Variants in TSPAN5 observed in about 807,000 individuals in gnomAD.
TSPAN5 encodes the protein tetraspanin 5.
A neutral mutation model predicts 37.1 loss-of-function variants in TSPAN5; 10 were observed. The ratio of observed to expected loss-of-function variants is 0.27; its 90% CI spans 0.17 to 0.46. TSPAN5 has a LOEUF of 0.46. TSPAN5 is among the 20% of genes least tolerant of loss of function. The pLI is 1.00. For synonymous variants in TSPAN5, 110 were observed against 118.9 expected (o/e 0.93, Z 0.48); for missense variants, 195 against 326.6 (o/e 0.60, Z 3.11).
chr4:98,564,553 C>T (rs1406136023), intron 1 of TSPAN5, among the ~76,000 whole-genome samples: 1 of 148,742 alleles, frequency 6.7e-6, no homozygotes, highest in Non-Finnish European at 1.5e-5. Context: ...TTAATGCTTC[C>T]CACACCTAAC....
At chr4:98,503,081 G>A (rs1376490058) in intron 2 of TSPAN5, among the ~76,000 whole-genome samples, 1 of 152,014 alleles carries the variant, frequency 6.6e-6, no homozygotes. Flanking sequence ...AGGCTCTGGA[G>A]TGATCTCAGC....
intron 1 of TSPAN5, among the ~76,000 whole-genome samples, chr4:98,570,849 G>C (rs1477925464): frequency 2.6e-5 from 4 of 151,868 alleles, no homozygotes; most frequent in Non-Finnish European, 5.9e-5. Context: ...CTACAGACCT[G>C]AGCCAAACTG....
intron 1 of TSPAN5, among the ~76,000 whole-genome samples, chr4:98,609,827 G>A (rs963870549): frequency 6.6e-6 from 1 of 152,178 alleles, no homozygotes; most frequent in African/African-American, 2.4e-5. Flanking sequence ...AGGGGAGACA[G>A]GGCTGAGCCT....
chr4:98,498,700 A>G (rs1753272549), intron 2 of TSPAN5, among the ~76,000 whole-genome samples: 2 of 152,090 alleles, frequency 1.3e-5, no homozygotes, highest in South Asian at 4.1e-4. Flanking sequence ...AAACCTTAGG[A>G]GGAGTTCCAA....
At chr4:98,545,197 G>A (rs1373931373) in intron 1 of TSPAN5, among the ~76,000 whole-genome samples, 1 of 152,226 alleles carries the variant, frequency 6.6e-6, no homozygotes, top group East Asian at 1.9e-4. Context: ...ACCTAGAGCA[G>A]CTGGTGGCTG....
intron 1 of TSPAN5, among the ~76,000 whole-genome samples, chr4:98,626,010 T>G (rs1481006322): frequency 6.6e-6 from 1 of 152,188 alleles, no homozygotes. Flanking sequence ...CATAAACCAA[T>G]TATTCACTCA....
At chr4:98,473,874 C>G (rs1330180220) in intron 7 of TSPAN5, among the ~76,000 whole-genome samples, 1 of 152,126 alleles carries the variant, frequency 6.6e-6, no homozygotes, top group Admixed American at 6.5e-5. Flanking sequence ...AGGCTCCTGC[C>G]TCTGCTTCCC....
At chr4:98,503,933 T>C (rs928482598) in intron 2 of TSPAN5, among the ~76,000 whole-genome samples, 4 of 152,228 alleles carry the variant, frequency 2.6e-5, no homozygotes, top group Admixed American at 2.0e-4. Context: ...CTCTGAACAA[T>C]TGCACATAAA....
chr4:98,640,951 A>G (rs1756952748), intron 1 of TSPAN5, among the ~76,000 whole-genome samples: 3 of 152,166 alleles, frequency 2.0e-5, no homozygotes, highest in Admixed American at 2.0e-4. Context: ...CACTAATATT[A>G]CCCACTTTTT....
intron 1 of TSPAN5, among the ~76,000 whole-genome samples, chr4:98,602,835 T>C (rs1413904249): frequency 6.6e-6 from 1 of 152,236 alleles, no homozygotes; most frequent in Admixed American, 6.5e-5. Flanking sequence ...TCTACAATGC[T>C]GCTCTTCTTC....
chr4:98,629,227 A>G (rs1756687572), intron 1 of TSPAN5, among the ~76,000 whole-genome samples: 1 of 152,238 alleles, frequency 6.6e-6, no homozygotes, highest in Non-Finnish European at 1.5e-5. Context: ...TGTGTATTAC[A>G]CATAACCAGA....
At chr4:98,622,591 A>G (rs1756505086) in intron 1 of TSPAN5, among the ~76,000 whole-genome samples, 1 of 152,212 alleles carries the variant, frequency 6.6e-6, no homozygotes, top group Non-Finnish European at 1.5e-5. Context: ...GTGCTTAGAA[A>G]AAAAGTCATA....
chr4:98,535,221 C>T (rs974046269), intron 1 of TSPAN5, among the ~76,000 whole-genome samples: 3 of 152,096 alleles, frequency 2.0e-5, no homozygotes, highest in Non-Finnish European at 4.4e-5. Flanking sequence ...CTGTAAGGCA[C>T]GCCTGGTGGT....
chr4:98,650,987 C>T (rs1371968344), intron 1 of TSPAN5, among the ~76,000 whole-genome samples: 1 of 152,120 alleles, frequency 6.6e-6, no homozygotes, highest in Non-Finnish European at 1.5e-5. Flanking sequence ...AAATAAATAA[C>T]AGATTGAAAA....
intron 1 of TSPAN5, among the ~76,000 whole-genome samples, chr4:98,622,475 T>C (rs539467928): frequency 6.6e-6 from 1 of 152,352 alleles, no homozygotes; most frequent in South Asian, 2.1e-4. Context: ...TTTAACTTTT[T>C]TGGGGGTCCA....
rs1578948626 is a variant in TSPAN5 at position 98,498,950 on chromosome 4, G to T, written c.132+8728C>A. 2.0e-5 allele frequency among the ~76,000 whole-genome samples: 3 copies of T among 152,188 alleles called. No individual in the cohort carries two copies. In the South Asian group the frequency reaches 6.2e-4, roughly 32 times the overall value. Reference sequence around the variant, plus strand: ...GAGAAAACACGGGGACAGCACGGAAGAGGTGGCCTGAGGTCATCCTGGACG... The same window carrying T: ...GAGAAAACACGGGGACAGCACGGAATAGGTGGCCTGAGGTCATCCTGGACG... On this transcript the variant is annotated intron_variant, in intron 2 of 7. Coordinates refer to ENST00000305798, the MANE Select transcript of TSPAN5 (RefSeq NM_005723.4).
At chr4:98,495,165 T>G (rs1232081483) in intron 2 of TSPAN5, among the ~76,000 whole-genome samples, 1 of 152,180 alleles carries the variant, frequency 6.6e-6, no homozygotes, top group African/African-American at 2.4e-5. Flanking sequence ...GGCTGAACTA[T>G]GTTCTATCCC....
intron 2 of TSPAN5, 128 bp from the exon 3 acceptor site, chr4:98,487,012 A>G: frequency 1.2e-6 from 1 of 800,112 alleles, no homozygotes; most frequent in East Asian, 2.5e-5. Flanking sequence ...ATTATCAGGT[A>G]TGTGATTAAT....
chr4:98,657,854 C>G (rs879662685), intron 1 of TSPAN5, among the ~76,000 whole-genome samples: 3 of 151,996 alleles, frequency 2.0e-5, no homozygotes, highest in Non-Finnish European at 4.4e-5. Flanking sequence ...CTCAAACTGC[C>G]GAACCCTTTC....
Sources: allele counts gnomAD v4.1 joint callset (sites outside exome capture counted in the v4.1 genomes callset), GRCh38; gene constraint gnomAD v4.1.1; transcripts MANE v1.5; gene names NCBI Gene and HGNC (gene_info 2026-07-23, HGNC 2026-07-21).